The following SP100 variants were observed in gnomAD, a reference collection of about 807,000 sequenced individuals.
SP100 encodes nuclear autoantigen Sp-100.
Under a neutral mutation model 130.0 loss-of-function variants are expected in SP100, and 84 were observed. That is an observed-to-expected ratio of 0.65 (90% confidence interval 0.54 to 0.77). The LOEUF (loss-of-function observed/expected upper bound fraction) is 0.77. Among genes scored for constraint, SP100 ranks in the 30% least tolerant of loss-of-function variants. The pLI is 0.00. For synonymous variants in SP100, 331 were observed against 351.7 expected (o/e 0.94, Z 0.66); for missense variants, 978 against 1,052.2 (o/e 0.93, Z 0.97).
chr2:230,542,256 C>A (rs138222591), intron 28 of SP100, among the ~76,000 whole-genome samples: 1 of 152,106 alleles, frequency 6.6e-6, no homozygotes, highest in Non-Finnish European at 1.5e-5. Context: ...CTATATATAA[C>A]CTCAGAGTTG....
Position 230,541,389 on chromosome 2 carries a change from C to A in SP100, c.2403+17C>A. The A allele has an allele frequency of 6.2e-7, 1 of 1,602,340 alleles. No individual in the cohort carries two copies. Among genetic ancestry groups the A allele is most frequent in the Admixed American group, 1.7e-5 (1 of 59,666 alleles). On this transcript the variant is annotated intron_variant, in intron 27 of 28. Transcript: ENST00000340126. ...CCGTATTATGTAAGTAACAGCCAAA[C>A]AAAAATGCTTATACTGGCATTTGTC...
intron 15 of SP100, among the ~76,000 whole-genome samples, chr2:230,472,837 G>T (rs912766854): frequency 6.6e-6 from 1 of 152,046 alleles, no homozygotes; most frequent in Non-Finnish European, 1.5e-5. Context: ...ATTAAAAAAG[G>T]CCTCACCCAG....
intron 18 of SP100, among the ~76,000 whole-genome samples, chr2:230,498,170 A>C (rs1304778740): frequency 2.0e-5 from 3 of 152,184 alleles, no homozygotes; most frequent in African/African-American, 7.2e-5. Context: ...CATTATTATT[A>C]TTCTTACAGT....
chr2:230,438,141 T>C (rs1330904480), intron 2 of SP100, among the ~76,000 whole-genome samples: 1 of 152,218 alleles, frequency 6.6e-6, no homozygotes, highest in Admixed American at 6.5e-5. Context: ...GTGTCTTTAG[T>C]TGGATTCTCT....
intron 17 of SP100, among the ~76,000 whole-genome samples, chr2:230,478,465 A>G (rs554125178): frequency 1.3e-4 from 20 of 152,372 alleles, no homozygotes; most frequent in Admixed American, 9.8e-4. Context: ...AACATAGAAC[A>G]GAACAAATCA....
intron 2 of SP100, among the ~76,000 whole-genome samples, chr2:230,428,338 G>A (rs924444932): frequency 6.6e-6 from 1 of 152,210 alleles, no homozygotes; most frequent in Non-Finnish European, 1.5e-5. Flanking sequence ...AGGCATGGCT[G>A]GGGAGGCCTC....
rs2064609228 is a variant in SP100, at chr2:230,461,276, C to T, written c.835C>T (p.Leu279=). The T allele has an allele frequency of 5.0e-6, 8 of 1,614,018 alleles. No homozygotes were observed. In the East Asian group the frequency reaches 1.6e-4, roughly 31 times the overall value. The part of the protein sequence containing the change: ...PCDEESPEAE[L]HNHGIQINSC... ...ATTACAATTAGGCCCAGAGGCAGAG[C>T]TACACAACCATGGAATCCAAATTAA... Residue 279 remains leucine (L), a synonymous_variant, in exon 9 of 29, where the codon CTA becomes TTA. Coordinates refer to ENST00000340126, the MANE Select transcript of SP100 (RefSeq NM_001080391.2).
intron 2 of SP100, among the ~76,000 whole-genome samples, chr2:230,427,174 T>C (rs1008120280): frequency 3.9e-5 from 6 of 152,158 alleles, no homozygotes; most frequent in African/African-American, 1.4e-4. Flanking sequence ...TCTCTTTTTT[T>C]TTCCTTTGGC....
intron 14 of SP100, 41 bp from the exon 15 acceptor site, chr2:230,469,974 C>G: frequency 3.2e-6 from 5 of 1,583,882 alleles, no homozygotes; most frequent in Non-Finnish European, 4.3e-6. Context: ...ATTCCTAAGA[C>G]TCAGACTAAG....
intron 24 of SP100, among the ~76,000 whole-genome samples, chr2:230,533,793 G>A (rs952054393): frequency 6.6e-6 from 1 of 152,182 alleles, no homozygotes; most frequent in Non-Finnish European, 1.5e-5. Context: ...CAGAATAACA[G>A]CATTTTCCTG....
chr2:230,506,270 A>C (rs200340519), intron 21 of SP100, 33 bp from the exon 22 acceptor site: 166 of 1,610,738 alleles, frequency 1.0e-4, no homozygotes, highest in Non-Finnish European at 1.3e-4. Flanking sequence ...GTGTTTTCAC[A>C]GTTGGGGAGC....
At chr2:230,507,588 G>A (rs1301052168) in intron 22 of SP100, among the ~76,000 whole-genome samples, 3 of 152,152 alleles carry the variant, frequency 2.0e-5, no homozygotes, top group Non-Finnish European at 4.4e-5. Context: ...ATAGATCGGA[G>A]AAGAGAAAGT....
In SP100 at chr2:230,469,113, A is replaced by G. The variant is rs764403079; in HGVS notation, c.1345+17A>G. 1 of 1,510,034 alleles carries G rather than the reference A, an allele frequency of 6.6e-7. No individual in the cohort carries two copies. Among genetic ancestry groups the G allele is most frequent in the Non-Finnish European group, 9.2e-7 (1 of 1,091,336 alleles). The allele number at this position is 1,510,034 out of a possible 1,614,324, so 93.5% of individuals were successfully genotyped here. On this transcript the variant is annotated intron_variant, in intron 14 of 28. Transcript: ENST00000340126. ...GGAAGAGACGTAAGAGCAATTAAAA[A>G]CTCTTGATGTAACAAATGTCTTTAT...
intron 8 of SP100, among the ~76,000 whole-genome samples, chr2:230,458,303 C>A (rs1172760256): frequency 6.6e-6 from 1 of 152,174 alleles, no homozygotes; most frequent in East Asian, 1.9e-4. Flanking sequence ...TTAATACAAT[C>A]ATAAGGAAGA....
At chr2:230,534,557 A>T (rs1691844096) in intron 24 of SP100, among the ~76,000 whole-genome samples, 1 of 152,236 alleles carries the variant, frequency 6.6e-6, no homozygotes, top group Non-Finnish European at 1.5e-5. Flanking sequence ...TTGACCTCAA[A>T]CTAACTTATT....
chr2:230,450,128 G>C, intron 7 of SP100, 44 bp from the exon 8 acceptor site: 1 of 1,412,208 alleles, frequency 7.1e-7, no homozygotes, highest in African/African-American at 1.4e-5. Flanking sequence ...ACAGGACAGA[G>C]CAAGGCTCTA....
intron 2 of SP100, among the ~76,000 whole-genome samples, chr2:230,438,648 T>TATATACACACACAC (rs1246055755): frequency 0.022 from 2,837 of 127,386 alleles, 35 homozygotes; most frequent in Non-Finnish European, 0.035. Context: ...TGTATATATA[T>TATATACACACACAC]ACACACACAC....
At chr2:230,515,293 G>A (rs762313450) in intron 24 of SP100, 1 of 1,611,714 alleles carries the variant, frequency 6.2e-7, no homozygotes, top group South Asian at 1.1e-5. Context: ...GAAGTTCAAG[G>A]ATCCCAATGC....
intron 17 of SP100, among the ~76,000 whole-genome samples, chr2:230,494,123 A>G (rs1345751865): frequency 4.0e-5 from 6 of 151,728 alleles, no homozygotes; most frequent in African/African-American, 1.5e-4. Context: ...TGCTGCTGTC[A>G]CCTTCTGCTT....
Sources: allele counts gnomAD v4.1 joint callset (sites outside exome capture counted in the v4.1 genomes callset), GRCh38; gene constraint gnomAD v4.1.1; transcripts MANE v1.5; gene names NCBI Gene and HGNC (gene_info 2026-07-23, HGNC 2026-07-21).